Variants in KIAA0319 observed in about 807,000 individuals in gnomAD.
The protein encoded by KIAA0319 is dyslexia-associated protein KIAA0319.
A neutral mutation model predicts 108.4 loss-of-function variants in KIAA0319; 83 were observed. The ratio of observed to expected loss-of-function variants is 0.77; its 90% confidence interval spans 0.64 to 0.92. The LOEUF is 0.92. Ranked by LOEUF, KIAA0319 falls within the 40% of genes least tolerant of loss-of-function variation. The pLI, the probability that KIAA0319 is intolerant of heterozygous loss-of-function variation, is 0.00. For synonymous variants in KIAA0319, 484 were observed against 510.4 expected (o/e 0.95, Z 0.70); for missense variants, 1,195 against 1,322.4 (o/e 0.90, Z 1.49).
chr6:24,553,366 T>G (rs1406425659), intron 19 of KIAA0319, among the ~76,000 whole-genome samples: 1 of 150,174 alleles, frequency 6.7e-6, no homozygotes, highest in Non-Finnish European at 1.5e-5. Flanking sequence ...TATCTGTATG[T>G]ATGTTTTCAT....
Position 24,553,828 on chromosome 6 carries a change from A to G in KIAA0319, c.2948+713T>C, listed in dbSNP as rs9467224. Among the ~76,000 whole-genome samples, 439 of 152,312 alleles carry G rather than the reference A, an allele frequency of 2.9e-3. 4 individuals carry two copies. The highest frequency in any genetic ancestry group is 0.01 in the Middle Eastern group (3 of 294). ...CAGCCAAACATGTGGAGGTTCCTGG[A>G]GAGTAGCATGCCCAGAGAGGGCATG... On this transcript the variant is annotated intron_variant, in intron 19 of 20. Coordinates refer to ENST00000378214, the MANE Select transcript of KIAA0319 (RefSeq NM_014809.4).
intron 4 of KIAA0319, among the ~76,000 whole-genome samples, chr6:24,585,337 A>T (rs1024115201): frequency 1.4e-4 from 20 of 142,178 alleles, no homozygotes; most frequent in African/African-American, 4.9e-4. Context: ...TACAAAGATT[A>T]AAAAAAAAAA....
intron 1 of KIAA0319, among the ~76,000 whole-genome samples, chr6:24,628,484 C>T (rs1582310940): frequency 1.3e-5 from 2 of 152,062 alleles, no homozygotes; most frequent in African/African-American, 4.8e-5. Context: ...TGTCCATTTC[C>T]GTTCCCCCAT....
intron 5 of KIAA0319, chr6:24,583,238 C>T (rs1766898383): frequency 2.0e-6 from 2 of 996,590 alleles, no homozygotes; most frequent in African/African-American, 3.5e-5. Flanking sequence ...GCAAACAAAC[C>T]TATGGGTGCA....
At position 24,599,986 on chromosome 6, in the gene KIAA0319, T is replaced by A. The variant is rs1423482858; in HGVS notation, c.55+1063A>T. Reference sequence around the variant, plus strand: ...TGCCTCCAGCTACAAAACAATTCAATTGGTTTTTTTCCAAAATAAACCCTC... The same window carrying A: ...TGCCTCCAGCTACAAAACAATTCAAATGGTTTTTTTCCAAAATAAACCCTC... On this transcript the variant is annotated intron_variant, in intron 2 of 20. Coordinates refer to ENST00000378214, the MANE Select transcript of KIAA0319 (RefSeq NM_014809.4). This position sits in a 1 kb window ranked among gnomAD's most constrained non-coding sequence, Gnocchi z 4.1. 1.3e-5 allele frequency among the ~76,000 whole-genome samples: 2 copies of A among 151,590 alleles called. No individual in the cohort carries two copies. Among genetic ancestry groups the A allele is most frequent in the Non-Finnish European group, 2.9e-5 (2 of 67,998 alleles).
At chr6:24,540,668 TCTTAA>T (rs1760168352), downstream of KIAA0319, among the ~76,000 whole-genome samples, 1 of 151,258 alleles carries the variant, frequency 6.6e-6, no homozygotes, top group African/African-American at 2.4e-5. Flanking sequence ...TTTTTTCCTT[TCTTAA>T]CTTTGTTCCT....
At chr6:24,619,653 G>A (rs985091835) in intron 1 of KIAA0319, among the ~76,000 whole-genome samples, 4 of 152,074 alleles carry the variant, frequency 2.6e-5, no homozygotes, top group Non-Finnish European at 5.9e-5. Context: ...AATGGAAAAG[G>A]AATGTTCATG....
chr6:24,556,848 C>G, intron 17 of KIAA0319, 119 bp from the exon 18 acceptor site: 1 of 1,177,640 alleles, frequency 8.5e-7, no homozygotes, highest in Non-Finnish European at 1.2e-6. Flanking sequence ...GAATTAAGAG[C>G]CTCTTACAGT....
chr6:24,566,120 AC>A (rs1393818598), intron 14 of KIAA0319, among the ~76,000 whole-genome samples: 1 of 152,212 alleles, frequency 6.6e-6, no homozygotes, highest in Non-Finnish European at 1.5e-5. Flanking sequence ...CTTACAGGGA[AC>A]AGGGAAAGAG....
intron 7 of KIAA0319, among the ~76,000 whole-genome samples, 163 bp downstream of exon 7, chr6:24,580,763 A>G (rs1766387583): frequency 1.3e-5 from 2 of 152,190 alleles, no homozygotes; most frequent in Admixed American, 6.5e-5. Flanking sequence ...GGTAGAAAAA[A>G]AAACCAAAAA....
At chr6:24,557,149 G>A (rs555403811) in intron 17 of KIAA0319, among the ~76,000 whole-genome samples, 1 of 152,134 alleles carries the variant, frequency 6.6e-6, no homozygotes, top group Non-Finnish European at 1.5e-5. Flanking sequence ...AGGTTGCAGT[G>A]AGCCGAGATC....
At position 24,553,294 on chromosome 6, in the gene KIAA0319, T is replaced by TATAC. The variant is rs1554142428; in HGVS notation, c.2948+1246_2948+1247insGTAT. Among the ~76,000 whole-genome samples the TATAC allele has an allele frequency of 2.1e-4, 19 of 91,072 alleles. No homozygotes were observed. In the South Asian group the frequency reaches 3.2e-3, roughly 15 times the overall value. 59.7% of individuals were successfully genotyped at this position (91,072 alleles called of 152,430 possible). On this transcript the variant is annotated intron_variant, in intron 19 of 20. Coordinates refer to ENST00000378214, the MANE Select transcript of KIAA0319 (RefSeq NM_014809.4). ...AGATAGATATATATATATATATATA[T>TATAC]ACACACACACACACACACACACACA...
Position 24,594,276 on chromosome 6 carries a change from A to G in KIAA0319, c.801+1597T>C, listed in dbSNP as rs565540691. On this transcript the variant is annotated intron_variant, in intron 3 of 20. Transcript: ENST00000378214. ...TTTTCATTTTAATCCAATTATAAGTAAGGAAAAATATAGACACTTCAAAAT... is the reference window on the plus strand; with the variant it reads ...TTTTCATTTTAATCCAATTATAAGTGAGGAAAAATATAGACACTTCAAAAT... Among the ~76,000 whole-genome samples the G allele has an allele frequency of 1.3e-4, 20 of 150,724 alleles. No individual in the cohort carries two copies. The East Asian group carries it at 3.7e-3, about 28-fold the overall frequency.
chr6:24,602,499 C>A (rs1200451662), intron 1 of KIAA0319, among the ~76,000 whole-genome samples: 1 of 152,218 alleles, frequency 6.6e-6, no homozygotes, highest in Non-Finnish European at 1.5e-5. Context: ...AAAGCACTCT[C>A]TTAAGAAATG....
intron 6 of KIAA0319, among the ~76,000 whole-genome samples, chr6:24,581,327 TGGTGCATTGGTTGCC>T (rs1766508433): frequency 6.6e-6 from 1 of 152,282 alleles, no homozygotes; most frequent in East Asian, 1.9e-4. Context: ...CACCTAGCTC[TGGTGCATTGGTTGCC>T]GGTGGTCTGG....
intron 1 of KIAA0319, among the ~76,000 whole-genome samples, chr6:24,607,368 A>AGAAAAAGAAAT (rs1771575098): frequency 1.3e-5 from 2 of 152,092 alleles, no homozygotes; most frequent in South Asian, 4.1e-4. Flanking sequence ...AAAAAAGAAA[A>AGAAAAAGAAAT]GAAAAAGAAA....
intron 1 of KIAA0319, among the ~76,000 whole-genome samples, chr6:24,622,319 T>TAAAAAAAAAAAAAAAA (rs5874995): frequency 3.5e-5 from 4 of 114,532 alleles, no homozygotes; most frequent in African/African-American, 6.5e-5. Context: ...TTTGAGAAAT[T>TAAAAAAAAAAAAAAAA]AAAAAAAAAA....
chr6:24,608,434 A>T (rs557371995), intron 1 of KIAA0319, among the ~76,000 whole-genome samples: 1 of 152,210 alleles, frequency 6.6e-6, no homozygotes, highest in Admixed American at 6.5e-5. Context: ...TAAAGTGCAC[A>T]TGGGAAAATT....
Position 24,618,374 on chromosome 6 carries a change from C to G in KIAA0319, c.-105-17166G>C, listed in dbSNP as rs187102611. 2.0e-5 allele frequency among the ~76,000 whole-genome samples: 3 copies of G among 152,038 alleles called. No individual in the cohort carries two copies. The East Asian group carries it at 5.8e-4, about 29-fold the overall frequency. On this transcript the variant is annotated intron_variant, in intron 1 of 20. Coordinates refer to ENST00000378214, the MANE Select transcript of KIAA0319 (RefSeq NM_014809.4). The stretch of plus-strand genomic sequence containing the variant: ...TTATAACCCCAACACTTTGGGAGGC[C>G]AAGGGAAGAGGACTGCTTGAGCCCA...
Sources: allele counts gnomAD v4.1 joint callset (sites outside exome capture counted in the v4.1 genomes callset), GRCh38; gene constraint gnomAD v4.1.1; non-coding constraint Gnocchi (gnomAD v3.1); transcripts MANE v1.5; gene names NCBI Gene and HGNC (gene_info 2026-07-23, HGNC 2026-07-21).